The following SCN9A variants were observed in gnomAD, a reference collection of about 807,000 sequenced individuals.
SCN9A encodes sodium channel protein type 9 subunit alpha.
A neutral mutation model predicts 187.0 loss-of-function variants in SCN9A; 131 were observed. That is an observed-to-expected ratio of 0.70 (90% CI 0.61 to 0.81). SCN9A has a LOEUF of 0.81. SCN9A is among the 30% of genes least tolerant of loss of function. SCN9A has a pLI of 0.00. For missense variants in SCN9A, 2,252 were observed against 2,396.6 expected, an observed-to-expected ratio of 0.94 and a Z score of 1.26; for synonymous variants, 809 against 808.6, an observed-to-expected ratio of 1.00 and a Z score of -0.01.
Position 166,359,814 on chromosome 2 carries a change from G to T in SCN9A, c.-51+15883C>A, listed in dbSNP as rs897783518. Among the ~76,000 whole-genome samples, 6 of 151,518 alleles carry T rather than the reference G, an allele frequency of 4.0e-5. No individual in the cohort carries two copies. In the South Asian group the frequency reaches 1.0e-3, roughly 26 times the overall value. ...TGATTATTAAAATATTGTGATTTGG[G>T]TATTTCATAATACCCTGTAATAATC... On this transcript the variant is annotated intron_variant, in intron 1 of 26. Transcript: ENST00000642356.
At chr2:166,342,108 C>T (rs1465960386) in intron 1 of SCN9A, among the ~76,000 whole-genome samples, 1 of 152,048 alleles carries the variant, frequency 6.6e-6, no homozygotes, top group East Asian at 1.9e-4. Flanking sequence ...TTATATTATA[C>T]CTTATATTTG....
intron 1 of SCN9A, among the ~76,000 whole-genome samples, chr2:166,318,122 A>C (rs1699152034): frequency 1.3e-5 from 2 of 152,182 alleles, no homozygotes; most frequent in Admixed American, 6.5e-5. Context: ...AGCTATCACC[A>C]AAAGGATAAT....
In SCN9A at chr2:166,254,573, T is replaced by C. The variant is rs116127718; in HGVS notation, c.3352-2688A>G. ...TACTTTGAATATATGTTTTTTACTA[T>C]ACAAGGAAGATCATATCAATTATTT... On this transcript the variant is annotated intron_variant, in intron 17 of 26. Coordinates refer to ENST00000642356, the MANE Select transcript of SCN9A (RefSeq NM_001365536.1). Among the ~76,000 whole-genome samples, 1,363 of 151,566 alleles carry C rather than the reference T, an allele frequency of 9.0e-3. 17 individuals carry two copies. The highest frequency in any genetic ancestry group is 0.031 in the African/African-American group (1,287 of 41,484).
At chr2:166,316,346 A>AG (rs1699107724) in intron 1 of SCN9A, among the ~76,000 whole-genome samples, 1 of 152,220 alleles carries the variant, frequency 6.6e-6, no homozygotes, top group African/African-American at 2.4e-5. Flanking sequence ...AGTAATAGTG[A>AG]TATTAGAGAG....
chr2:166,276,222 G>A (rs1425470194), intron 16 of SCN9A, among the ~76,000 whole-genome samples: 1 of 152,098 alleles, frequency 6.6e-6, no homozygotes, highest in Non-Finnish European at 1.5e-5. Context: ...AGATTGCTAT[G>A]TCCACGCGAT....
At chr2:166,302,916 C>A in intron 7 of SCN9A, 174 bp downstream of exon 7, 1 of 567,216 alleles carries the variant, frequency 1.8e-6, no homozygotes. Context: ...TAGCTTAGAA[C>A]CAGGATGATT....
At chr2:166,257,006 G>C (rs1245159307) in intron 17 of SCN9A, among the ~76,000 whole-genome samples, 1 of 151,584 alleles carries the variant, frequency 6.6e-6, no homozygotes, top group Non-Finnish European at 1.5e-5. Context: ...AGATTTCTCA[G>C]CCAGGTCCTA....
chr2:166,247,049 G>A (rs1695819325), intron 18 of SCN9A, among the ~76,000 whole-genome samples: 1 of 151,082 alleles, frequency 6.6e-6, no homozygotes, highest in Non-Finnish European at 1.5e-5. Flanking sequence ...ACATTTTAAT[G>A]GGTCCCAGTG....
intron 1 of SCN9A, among the ~76,000 whole-genome samples, chr2:166,331,232 G>A (rs1034803277): frequency 6.6e-6 from 1 of 151,906 alleles, no homozygotes; most frequent in East Asian, 1.9e-4. Context: ...TATCAATTTT[G>A]TAATGGAGAA....
intron 24 of SCN9A, among the ~76,000 whole-genome samples, chr2:166,220,522 A>G (rs7605012): frequency 0.091 from 13,917 of 152,176 alleles, 705 homozygotes; most frequent in Middle Eastern, 0.22. Flanking sequence ...GACACAACAA[A>G]TAAGACCTCA....
At chr2:166,236,827 G>GATC (rs1425365371) in intron 20 of SCN9A, among the ~76,000 whole-genome samples, 1 of 152,152 alleles carries the variant, frequency 6.6e-6, no homozygotes, top group African/African-American at 2.4e-5. Flanking sequence ...TACTATGTAT[G>GATC]ATCATGCTTA....
At chr2:166,362,856 G>A (rs1700319745) in intron 1 of SCN9A, among the ~76,000 whole-genome samples, 1 of 151,952 alleles carries the variant, frequency 6.6e-6, no homozygotes. Flanking sequence ...TTTATTTACA[G>A]ACTTCTTTTT....
At chr2:166,309,762 T>C (rs1317241377) in intron 2 of SCN9A, among the ~76,000 whole-genome samples, 6 of 140,404 alleles carry the variant, frequency 4.3e-5, no homozygotes, top group Non-Finnish European at 7.7e-5. Context: ...TTAAAGTTCA[T>C]ATGGAACCAA....
At chr2:166,260,303 G>A (rs1046457488) in intron 17 of SCN9A, among the ~76,000 whole-genome samples, 3 of 151,830 alleles carry the variant, frequency 2.0e-5, no homozygotes, top group Non-Finnish European at 4.4e-5. Context: ...AGATGAATGG[G>A]TGGATAGATG....
At chr2:166,286,768 C>T (rs1254812436) in intron 10 of SCN9A, 145 bp from the exon 11 acceptor site, 1 of 570,984 alleles carries the variant, frequency 1.8e-6, no homozygotes, top group Non-Finnish European at 2.7e-6. Context: ...TTTCTTTACA[C>T]AATGATCAGA....
Position 166,203,075 on chromosome 2 carries a change from A to G in SCN9A, c.4774+880T>C, listed in dbSNP as rs190396302. Among the ~76,000 whole-genome samples the G allele has an allele frequency of 1.0e-3, 159 of 151,886 alleles. 2 individuals carry two copies. The highest frequency in any genetic ancestry group is 3.8e-3 in the African/African-American group (158 of 41,548). On this transcript the variant is annotated intron_variant, in intron 26 of 26. Coordinates refer to ENST00000642356, the MANE Select transcript of SCN9A (RefSeq NM_001365536.1). The stretch of plus-strand genomic sequence containing the variant: ...TTTGTTAGTGTGAAATTCTCACCTA[A>G]ATTTTAATACATTTTCTTATATCAA...
In SCN9A at chr2:166,213,382, T is replaced by C. The variant is rs191390451; in HGVS notation, c.4399-8918A>G. On this transcript the variant is annotated intron_variant, in intron 24 of 26. Transcript: ENST00000642356. ...AACAAATTGGATAACTTAGAAGGAA[T>C]AGGTAAATTCCAAAAATATACAACC... Among the ~76,000 whole-genome samples the C allele has an allele frequency of 3.1e-4, 46 of 150,250 alleles. 2 individuals carry two copies. The East Asian group carries it at 7.8e-3, about 26-fold the overall frequency.
rs1057518384 is a variant in SCN9A at position 166,303,099 on chromosome 2, C to T, written c.892G>A (p.Asp298Asn). 1.9e-6 allele frequency: 3 copies of T among 1,595,164 alleles called. No homozygotes were observed. The highest frequency in any genetic ancestry group is 1.3e-5 in the African/African-American group (1 of 74,610). The stretch of plus-strand genomic sequence containing the variant: ...GCAAGGACATTCTTACTTCTAAAGT[C>T]TTCTTCACTCTCTAGGGTATTCATT... ...SIMNTLESEE[D>N]FRKYFYYLEG... is the part of the protein sequence containing the mutation. The change falls in exon 7 of 27, where the codon GAC becomes AAC. Residue 298 changes from aspartate to asparagine, a missense_variant. Coordinates refer to ENST00000642356, the MANE Select transcript of SCN9A (RefSeq NM_001365536.1).
chr2:166,308,037 G>A (rs190995816), intron 2 of SCN9A, among the ~76,000 whole-genome samples: 154 of 152,182 alleles, frequency 1.0e-3, no homozygotes, highest in African/African-American at 3.6e-3. Flanking sequence ...ATTTGTATGC[G>A]GCAGCGTTCC....
Sources: gnomAD v4.1 joint callset for allele counts (sites outside exome capture counted in the v4.1 genomes callset) on GRCh38, gnomAD v4.1.1 for gene constraint, MANE v1.5 for transcripts, NCBI Gene and HGNC (gene_info 2026-07-23, HGNC 2026-07-21) for gene names.